The following SNX29 variants were observed in gnomAD, a reference collection of about 807,000 sequenced individuals.
The protein encoded by SNX29 is sorting nexin 29, also known as sorting nexin-29.
Under a neutral mutation model 102.1 loss-of-function variants are expected in SNX29, and 78 were observed. The ratio of observed to expected loss-of-function variants is 0.76; its 90% CI spans 0.64 to 0.92. The LOEUF is 0.92. SNX29 is among the 40% of genes least tolerant of loss of function. The pLI, the probability that SNX29 is intolerant of heterozygous loss-of-function variation, is 0.00. For synonymous variants in SNX29, 580 were observed against 414.5 expected, an observed-to-expected ratio of 1.40 and a Z score of -4.85; for missense variants, 1,280 against 1,061.7, an observed-to-expected ratio of 1.21 and a Z score of -2.86.
At chr16:12,276,658 G>T (rs1001433019) in intron 14 of SNX29, among the ~76,000 whole-genome samples, 1 of 152,180 alleles carries the variant, frequency 6.6e-6, no homozygotes, top group Non-Finnish European at 1.5e-5. Context: ...GAGGCTTGAG[G>T]CTAATCCACA....
chr16:12,465,066 C>T (rs865888306), intron 18 of SNX29, among the ~76,000 whole-genome samples: 1 of 152,182 alleles, frequency 6.6e-6, no homozygotes, highest in African/African-American at 2.4e-5. Context: ...TGTCTGTTTA[C>T]ATCCTTTGCC....
intron 15 of SNX29, among the ~76,000 whole-genome samples, chr16:12,290,803 G>A (rs908950970): frequency 1.3e-5 from 2 of 152,100 alleles, no homozygotes; most frequent in Non-Finnish European, 2.9e-5. Context: ...ATAGGAGAGT[G>A]GGGATGAGTT....
At chr16:12,510,621 C>T (rs557488551) in intron 19 of SNX29, among the ~76,000 whole-genome samples, 23 of 151,850 alleles carry the variant, frequency 1.5e-4, no homozygotes, top group South Asian at 8.4e-4. Context: ...TGCAGTGAGC[C>T]GAGATGGCCC....
At chr16:12,121,272 C>G (rs975749446) in intron 11 of SNX29, among the ~76,000 whole-genome samples, 3 of 152,228 alleles carry the variant, frequency 2.0e-5, no homozygotes, top group African/African-American at 7.2e-5. Flanking sequence ...AATCACTGAA[C>G]TCTACTTGGA....
chr16:12,553,962 G>C (rs1197902669), intron 20 of SNX29, among the ~76,000 whole-genome samples: 1 of 152,070 alleles, frequency 6.6e-6, no homozygotes, highest in Non-Finnish European at 1.5e-5. Flanking sequence ...CAAGTAGCTG[G>C]GACTACAGGC....
At chr16:12,125,332 C>T (rs1280596036) in intron 11 of SNX29, among the ~76,000 whole-genome samples, 5 of 152,200 alleles carry the variant, frequency 3.3e-5, no homozygotes, top group African/African-American at 1.2e-4. Context: ...TCTGACAGCT[C>T]GTCTTTCTAT....
At chr16:12,450,568 G>C (rs889814) in intron 18 of SNX29, among the ~76,000 whole-genome samples, 11 of 152,024 alleles carry the variant, frequency 7.2e-5, no homozygotes, top group African/African-American at 2.7e-4. Context: ...CGAATCATAG[G>C]CTCTGTCCAG....
intron 15 of SNX29, among the ~76,000 whole-genome samples, chr16:12,344,803 G>A (rs565009587): frequency 4.6e-5 from 7 of 152,298 alleles, no homozygotes; most frequent in East Asian, 3.9e-4. Flanking sequence ...CCAACGCTGC[G>A]CTGCCTTCTA....
intron 3 of SNX29, among the ~76,000 whole-genome samples, chr16:12,008,517 C>A (rs1567519680): frequency 6.6e-6 from 1 of 152,092 alleles, no homozygotes; most frequent in Non-Finnish European, 1.5e-5. Flanking sequence ...GATCCTCCCG[C>A]CTCGGCCTCC....
chr16:12,174,541 C>T (rs9788917), intron 13 of SNX29, among the ~76,000 whole-genome samples: 25,804 of 152,124 alleles, frequency 0.17, 2,361 homozygotes, highest in East Asian at 0.28. Flanking sequence ...AACTCTGCAG[C>T]GGCATTAGCT....
chr16:12,293,293 C>T (rs1237954091), intron 15 of SNX29, among the ~76,000 whole-genome samples: 1 of 152,128 alleles, frequency 6.6e-6, no homozygotes, highest in East Asian at 1.9e-4. Flanking sequence ...GCAAGGTAGG[C>T]GGTGGTGGAT....
chr16:12,540,407 A>C (rs1325802468), intron 20 of SNX29, among the ~76,000 whole-genome samples: 2 of 152,208 alleles, frequency 1.3e-5, no homozygotes, highest in African/African-American at 2.4e-5. Flanking sequence ...TTAGTGGCTA[A>C]AAACTACAGA....
chr16:12,487,348 C>T (rs998587533), intron 19 of SNX29, among the ~76,000 whole-genome samples: 3 of 152,200 alleles, frequency 2.0e-5, no homozygotes, highest in African/African-American at 7.2e-5. Context: ...TCCATGTACA[C>T]TAACACCAGC....
intron 19 of SNX29, among the ~76,000 whole-genome samples, chr16:12,520,604 A>G (rs992769351): frequency 6.6e-6 from 1 of 152,228 alleles, no homozygotes; most frequent in African/African-American, 2.4e-5. Flanking sequence ...ACACCATGGA[A>G]TACTATCAGC....
intron 15 of SNX29, among the ~76,000 whole-genome samples, chr16:12,280,293 G>A (rs7204333): frequency 0.52 from 79,286 of 152,002 alleles, 21,141 homozygotes; most frequent in Non-Finnish European, 0.59. Flanking sequence ...TGTCCTGGCC[G>A]TGTCACCACC....
intron 14 of SNX29, among the ~76,000 whole-genome samples, chr16:12,243,634 C>T (rs946741914): frequency 1.3e-5 from 2 of 152,140 alleles, no homozygotes; most frequent in Non-Finnish European, 2.9e-5. Context: ...TTGGCCCAGA[C>T]ATTTTGGGGC....
At chr16:12,101,760 G>T (rs2053031800) in intron 11 of SNX29, among the ~76,000 whole-genome samples, 2 of 152,094 alleles carry the variant, frequency 1.3e-5, no homozygotes, top group Non-Finnish European at 2.9e-5. Context: ...AATGAAAAAG[G>T]AAAGTATCTT....
intron 16 of SNX29, among the ~76,000 whole-genome samples, chr16:12,385,943 G>T (rs2083325916): frequency 6.6e-6 from 1 of 152,218 alleles, no homozygotes; most frequent in African/African-American, 2.4e-5. Flanking sequence ...AGGACTGAGG[G>T]ACACATCACA....
chr16:12,241,298 T>C (rs562091087), intron 14 of SNX29, among the ~76,000 whole-genome samples: 7 of 152,266 alleles, frequency 4.6e-5, no homozygotes, highest in East Asian at 3.9e-4. Context: ...GGCTTAAAAT[T>C]GAAGCAAGAA....
Sources: allele counts gnomAD v4.1 joint callset (sites outside exome capture counted in the v4.1 genomes callset), GRCh38; gene constraint gnomAD v4.1.1; transcripts MANE v1.5; gene names NCBI Gene and HGNC (gene_info 2026-07-23, HGNC 2026-07-21).